Variants in MEIS1 observed in about 807,000 individuals in gnomAD.
MEIS1 encodes Meis homeobox 1, also known as homeobox protein Meis1.
MEIS1 carries 5 observed loss-of-function variants against 50.8 expected under a neutral mutation model. The ratio of observed to expected loss-of-function variants is 0.10; its 90% confidence interval spans 0.05 to 0.21. MEIS1 has a LOEUF of 0.21. MEIS1 is among the 10% of genes least tolerant of loss of function. The pLI, the probability that MEIS1 is intolerant of heterozygous loss-of-function variation, is 1.00. For synonymous variants in MEIS1, 176 were observed against 179.3 expected (o/e 0.98, Z 0.15); for missense variants, 318 against 517.3 (o/e 0.61, Z 3.74).
At chr2:66,543,183 TA>T (rs533253290) in intron 8 of MEIS1, among the ~76,000 whole-genome samples, 152 of 152,290 alleles carry the variant, frequency 1.0e-3, no homozygotes, top group Non-Finnish European at 1.7e-3. Context: ...AACTTTTACA[TA>T]AGCTATTTTT....
At chr2:66,535,425 AT>A (rs1674495108) in intron 8 of MEIS1, among the ~76,000 whole-genome samples, 1 of 152,330 alleles carries the variant, frequency 6.6e-6, no homozygotes, top group East Asian at 1.9e-4. Flanking sequence ...GATGAAATAT[AT>A]TTTTGCCAAC....
chr2:66,497,965 C>G (rs1673449280), intron 7 of MEIS1, among the ~76,000 whole-genome samples: 1 of 151,932 alleles, frequency 6.6e-6, no homozygotes, highest in Non-Finnish European at 1.5e-5. Flanking sequence ...AGTTCCAAGT[C>G]ACTTTACAAG....
chr2:66,533,611 G>T (rs968021219), intron 8 of MEIS1, among the ~76,000 whole-genome samples: 1 of 152,138 alleles, frequency 6.6e-6, no homozygotes, highest in Non-Finnish European at 1.5e-5. Flanking sequence ...TTGTAGCTAA[G>T]CATAAAACAT....
intron 9 of MEIS1, among the ~76,000 whole-genome samples, chr2:66,552,166 A>G (rs553361016): frequency 6.6e-6 from 1 of 152,204 alleles, no homozygotes; most frequent in South Asian, 2.1e-4. Context: ...TGATCACACC[A>G]GTGTTGCGGA....
At chr2:66,463,519 A>C (rs1672568210) in intron 6 of MEIS1, among the ~76,000 whole-genome samples, 1 of 152,220 alleles carries the variant, frequency 6.6e-6, no homozygotes, top group East Asian at 1.9e-4. Flanking sequence ...AAGGCTCTGC[A>C]TGGGGCTGAG....
intron 8 of MEIS1, among the ~76,000 whole-genome samples, chr2:66,519,517 T>G (rs937627847): frequency 1.3e-5 from 2 of 152,118 alleles, no homozygotes; most frequent in Admixed American, 1.3e-4. Flanking sequence ...AAGGCATCTC[T>G]TTCTTGGTGG....
chr2:66,453,089 A>G (rs1242899525), intron 6 of MEIS1, among the ~76,000 whole-genome samples: 1 of 151,884 alleles, frequency 6.6e-6, no homozygotes, highest in Non-Finnish European at 1.5e-5. Flanking sequence ...AATTAGGTGC[A>G]TTGTTCTTCA....
intron 8 of MEIS1, among the ~76,000 whole-genome samples, chr2:66,534,104 C>T (rs1274987445): frequency 2.0e-5 from 3 of 152,132 alleles, no homozygotes; most frequent in Admixed American, 6.5e-5. Context: ...CCACCACCAG[C>T]GTGATTATCC....
intron 3 of MEIS1, 108 bp downstream of exon 3, chr2:66,440,092 C>CACACACACACACACAT: frequency 9.4e-7 from 1 of 1,059,522 alleles, no homozygotes; most frequent in South Asian, 1.6e-5. Flanking sequence ...CACACACACA[C>CACACACACACACACAT]GGCACACTTT....
intron 2 of MEIS1, chr2:66,439,444 C>A: frequency 7.3e-7 from 1 of 1,365,932 alleles, no homozygotes; most frequent in East Asian, 2.8e-5. Context: ...AACCAGCCCT[C>A]CCCAACTCTC....
intron 6 of MEIS1, among the ~76,000 whole-genome samples, chr2:66,444,722 G>A (rs977464456): frequency 6.6e-6 from 1 of 152,222 alleles, no homozygotes; most frequent in Non-Finnish European, 1.5e-5. Flanking sequence ...GAGCTGTTGA[G>A]TGCCGATTCT....
chr2:66,567,878 T>C (rs2103974345), intron 10 of MEIS1: 1 of 481,128 alleles, frequency 2.1e-6, no homozygotes, highest in East Asian at 3.7e-5. Context: ...GCTGTAAACT[T>C]TATTACCTGT....
chr2:66,448,721 T>C (rs1001941680), intron 6 of MEIS1, among the ~76,000 whole-genome samples: 14 of 152,134 alleles, frequency 9.2e-5, no homozygotes, highest in Non-Finnish European at 1.3e-4. Flanking sequence ...AACCCAAGTA[T>C]GTATACAAAA....
chr2:66,435,980 G>T, intron 1 of MEIS1, 112 bp downstream of exon 1: 2 of 916,560 alleles, frequency 2.2e-6, no homozygotes, highest in East Asian at 3.0e-5. Flanking sequence ...AAAAAATGAG[G>T]CTCCTAAAGC....
intron 7 of MEIS1, among the ~76,000 whole-genome samples, chr2:66,506,749 T>A (rs1414105207): frequency 3.3e-5 from 5 of 152,174 alleles, no homozygotes; most frequent in African/African-American, 1.2e-4. Context: ...TGTCTATAAT[T>A]CTTGCCATAT....
chr2:66,464,388 A>G (rs566758779), intron 7 of MEIS1, among the ~76,000 whole-genome samples, 168 bp downstream of exon 7: 2 of 152,318 alleles, frequency 1.3e-5, no homozygotes, highest in Non-Finnish European at 1.5e-5. Flanking sequence ...CTTCTGTGCT[A>G]TTCCAGCTGC....
intron 8 of MEIS1, among the ~76,000 whole-genome samples, chr2:66,532,144 G>A (rs1674407832): frequency 6.6e-6 from 1 of 152,166 alleles, no homozygotes; most frequent in Admixed American, 6.5e-5. Context: ...ATTCACCATA[G>A]ATAGTCAGTA....
At position 66,573,237 on chromosome 2, in the gene MEIS1, T is replaced by C. The variant is rs1428085565; in HGVS notation, c.*2029T>C. 1 of 152,210 alleles carries C rather than the reference T, an allele frequency of 6.6e-6. No homozygotes were observed. Among genetic ancestry groups the C allele is most frequent in the Non-Finnish European group, 1.5e-5 (1 of 68,028 alleles). 9.4% of individuals were successfully genotyped at this position (152,210 alleles called of 1,614,324 possible). A position where few individuals can be genotyped will look rare whatever the true frequency, so the allele number is the denominator to read the frequency against. ...AATTTTCCAGAACAGCTGTACAAGA[T>C]TTCTGCATGGCAGCCGGCTAAATGG... On this transcript the variant is annotated 3_prime_UTR_variant, in exon 13 of 13. Coordinates refer to ENST00000272369, the MANE Select transcript of MEIS1 (RefSeq NM_002398.3).
intron 7 of MEIS1, among the ~76,000 whole-genome samples, chr2:66,511,473 A>G (rs1673828412): frequency 6.6e-6 from 1 of 152,214 alleles, no homozygotes; most frequent in Non-Finnish European, 1.5e-5. Flanking sequence ...TTAGTGTAAT[A>G]CAATTCTAAT....
Sources: gnomAD v4.1 joint callset for allele counts (sites outside exome capture counted in the v4.1 genomes callset) on GRCh38, gnomAD v4.1.1 for gene constraint, MANE v1.5 for transcripts, NCBI Gene and HGNC (gene_info 2026-07-23, HGNC 2026-07-21) for gene names.